Variants in TSG101 observed in about 807,000 individuals in gnomAD.
TSG101 encodes the protein tumor susceptibility gene 101 protein.
Under a neutral mutation model 48.5 loss-of-function variants are expected in TSG101, and 19 were observed. That is an observed-to-expected ratio of 0.39 (90% CI 0.27 to 0.58). The LOEUF is 0.58. TSG101 is among the 20% of genes least tolerant of loss of function. TSG101 has a pLI of 0.55. For missense variants in TSG101, 365 were observed against 484.4 expected (o/e 0.75, Z 2.31); for synonymous variants, 174 against 169.4 (o/e 1.03, Z -0.21).
intron 8 of TSG101, among the ~76,000 whole-genome samples, chr11:18,483,476 C>T (rs1037141923): frequency 7.9e-6 from 1 of 126,608 alleles, no homozygotes; most frequent in Non-Finnish European, 1.6e-5. Context: ...AGCCTGAGCG[C>T]AAGAGTGAAA....
At chr11:18,497,055 C>A (rs948228551) in intron 7 of TSG101, among the ~76,000 whole-genome samples, 1 of 152,154 alleles carries the variant, frequency 6.6e-6, no homozygotes, top group African/African-American at 2.4e-5. Context: ...CGCGCCACTG[C>A]ACTCCAGCCT....
intron 5 of TSG101, 138 bp downstream of exon 5, chr11:18,509,404 C>T: frequency 8.3e-7 from 1 of 1,207,214 alleles, no homozygotes. Context: ...GATGTGGGGC[C>T]TCAGAATACT....
At chr11:18,517,203 A>C (rs1480297881) in intron 2 of TSG101, among the ~76,000 whole-genome samples, 1 of 151,320 alleles carries the variant, frequency 6.6e-6, no homozygotes, top group Non-Finnish European at 1.5e-5. Context: ...TTTTTTAGAA[A>C]TGGGGTCTAA....
At chr11:18,517,998 T>A (rs1261216827) in intron 2 of TSG101, among the ~76,000 whole-genome samples, 2 of 152,250 alleles carry the variant, frequency 1.3e-5, no homozygotes, top group Non-Finnish European at 2.9e-5. Flanking sequence ...TATACAAGAC[T>A]TTATAATGGA....
intron 7 of TSG101, among the ~76,000 whole-genome samples, chr11:18,487,000 C>G (rs1229314452): frequency 6.6e-6 from 1 of 151,016 alleles, no homozygotes; most frequent in African/African-American, 2.4e-5. Context: ...CCATCATTCT[C>G]AGCAAACTAT....
chr11:18,499,680 G>C (rs1025863307), intron 7 of TSG101, among the ~76,000 whole-genome samples: 5 of 151,040 alleles, frequency 3.3e-5, no homozygotes, highest in African/African-American at 1.2e-4. Context: ...CAAAGTGCTG[G>C]GATTACAGGT....
At chr11:18,497,216 A>G (rs1849797914) in intron 7 of TSG101, among the ~76,000 whole-genome samples, 1 of 152,188 alleles carries the variant, frequency 6.6e-6, no homozygotes. Flanking sequence ...GTGGACTCTA[A>G]TATCTAAATG....
chr11:18,497,699 T>G (rs1358437071), intron 7 of TSG101, among the ~76,000 whole-genome samples: 1 of 152,246 alleles, frequency 6.6e-6, no homozygotes, highest in East Asian at 1.9e-4. Flanking sequence ...TTATTGATAA[T>G]GCTGAACCAA....
chr11:18,512,224 G>T (rs1010202559), intron 4 of TSG101, among the ~76,000 whole-genome samples: 4 of 152,008 alleles, frequency 2.6e-5, no homozygotes, highest in Admixed American at 6.6e-5. Flanking sequence ...GGCCAATGTA[G>T]CAAAACCCCA....
chr11:18,521,751 A>C (rs1377666626), intron 1 of TSG101, among the ~76,000 whole-genome samples: 1 of 131,526 alleles, frequency 7.6e-6, no homozygotes, highest in Non-Finnish European at 1.5e-5. Flanking sequence ...ATCTCAGTTC[A>C]CTGCAACCTC....
At chr11:18,525,053 A>C (rs1395121011) in intron 1 of TSG101, among the ~76,000 whole-genome samples, 4 of 151,582 alleles carry the variant, frequency 2.6e-5, no homozygotes, top group Admixed American at 2.6e-4. Flanking sequence ...CTGGGATTAC[A>C]GGCACCCGCC....
chr11:18,509,996 T>C (rs866624411), intron 4 of TSG101, among the ~76,000 whole-genome samples: 51 of 152,302 alleles, frequency 3.3e-4, no homozygotes, highest in African/African-American at 1.2e-3. Flanking sequence ...AGTATACTGG[T>C]ACAAATTTAG....
intron 2 of TSG101, 61 bp from the exon 3 acceptor site, chr11:18,516,225 T>C (rs763239468): frequency 1.6e-4 from 228 of 1,466,862 alleles, no homozygotes; most frequent in Admixed American, 3.7e-4. Context: ...CATAAGTTAT[T>C]CTTTCAGAAA....
At chr11:18,519,690 T>G in intron 1 of TSG101, 87 bp from the exon 2 acceptor site, 1 of 974,482 alleles carries the variant, frequency 1.0e-6, no homozygotes. Context: ...TCTCTTCCAC[T>G]AATTGTTAAC....
chr11:18,495,727 C>T (rs867072358), intron 7 of TSG101, among the ~76,000 whole-genome samples: 3 of 151,160 alleles, frequency 2.0e-5, no homozygotes, highest in Admixed American at 6.6e-5. Flanking sequence ...CCGACTACCA[C>T]CTCCTCATTC....
intron 7 of TSG101, among the ~76,000 whole-genome samples, chr11:18,499,400 ATATTTTTTT>A (rs1298228919): frequency 1.0e-3 from 7 of 6,788 alleles, no homozygotes; most frequent in African/African-American, 2.9e-3. Flanking sequence ...ATATATATAT[ATATTTTTTT>A]TTTTTTTTTT....
intron 1 of TSG101, among the ~76,000 whole-genome samples, chr11:18,523,043 C>T (rs1397067522): frequency 6.6e-6 from 1 of 152,066 alleles, no homozygotes; most frequent in African/African-American, 2.4e-5. Context: ...GTATGCACCA[C>T]GCCTGGCTAA....
chr11:18,502,259 TGATCAAAAG>T (rs1849900694), intron 7 of TSG101, among the ~76,000 whole-genome samples: 1 of 152,236 alleles, frequency 6.6e-6, no homozygotes, highest in Admixed American at 6.5e-5. Context: ...TAAAACTATG[TGATCAAAAG>T]AAAGATTGAT....
chr11:18,487,666 TC>T (rs1849639411), intron 7 of TSG101, among the ~76,000 whole-genome samples: 1 of 152,098 alleles, frequency 6.6e-6, no homozygotes, highest in South Asian at 2.1e-4. Flanking sequence ...GTGCCTGGCA[TC>T]CCACCTATTT....
Sources: allele counts gnomAD v4.1 joint callset (sites outside exome capture counted in the v4.1 genomes callset), GRCh38; gene constraint gnomAD v4.1.1; transcripts MANE v1.5; gene names NCBI Gene and HGNC (gene_info 2026-07-23, HGNC 2026-07-21).